Variants in PHACTR4 observed in about 807,000 individuals in gnomAD.
PHACTR4 encodes phosphatase and actin regulator 4.
PHACTR4 carries 51 observed loss-of-function variants against 72.7 expected under a neutral mutation model. The ratio of observed to expected loss-of-function variants is 0.70; its 90% CI spans 0.56 to 0.89. The LOEUF is 0.89. Ranked by LOEUF, PHACTR4 falls within the 40% of genes least tolerant of loss-of-function variation. The pLI is 0.00. For synonymous variants in PHACTR4, 255 were observed against 302.5 expected (o/e 0.84, Z 1.63); for missense variants, 731 against 861.8 (o/e 0.85, Z 1.90).
chr1:28,477,230 C>CCTCCCAA (rs1217668199), intron 8 of PHACTR4, among the ~76,000 whole-genome samples: 9 of 151,776 alleles, frequency 5.9e-5, no homozygotes, highest in African/African-American at 2.2e-4. Flanking sequence ...GGATTACAGG[C>CCTCCCAA]GTCTGCCACT....
intron 1 of PHACTR4, among the ~76,000 whole-genome samples, chr1:28,392,019 C>T (rs949371761): frequency 1.3e-5 from 2 of 152,124 alleles, no homozygotes; most frequent in Non-Finnish European, 2.9e-5. Context: ...TTGATTTAGC[C>T]ATTCCACAGT....
chr1:28,467,569 T>G (rs1659275999), intron 6 of PHACTR4, among the ~76,000 whole-genome samples: 1 of 152,154 alleles, frequency 6.6e-6, no homozygotes. Context: ...AAACTACCTA[T>G]GCCTTCCATA....
rs79525662 is a variant in PHACTR4, at chr1:28,438,187, G to C, written c.17-20898G>C. ...AGAGTGCCAGTGTGAAGACAGTTTTGTAAGAACTGCAAGTGCTCAGGCTGT... is the reference window on the plus strand; with the variant it reads ...AGAGTGCCAGTGTGAAGACAGTTTTCTAAGAACTGCAAGTGCTCAGGCTGT... On this transcript the variant is annotated intron_variant, in intron 2 of 13. Transcript: ENST00000373839. 308 of 1,306,026 alleles carry C rather than the reference G, an allele frequency of 2.4e-4. 3 individuals carry two copies. In the East Asian group the frequency reaches 9.8e-3, roughly 41 times the overall value. The allele number at this position is 1,306,026 out of a possible 1,614,324, so 80.9% of individuals were successfully genotyped here.
At chr1:28,425,050 C>T (rs2124354777) in intron 2 of PHACTR4, among the ~76,000 whole-genome samples, 1 of 152,210 alleles carries the variant, frequency 6.6e-6, no homozygotes, top group Middle Eastern at 3.4e-3. Flanking sequence ...TCCTTGGCCT[C>T]CCAAAGTGCT....
intron 9 of PHACTR4, among the ~76,000 whole-genome samples, chr1:28,488,720 T>C (rs866939508): frequency 1.3e-5 from 2 of 152,170 alleles, no homozygotes; most frequent in South Asian, 2.1e-4. Flanking sequence ...TATATAGATA[T>C]ATGTAATTTC....
intron 2 of PHACTR4, among the ~76,000 whole-genome samples, chr1:28,428,362 G>A (rs1427096088): frequency 3.3e-5 from 5 of 152,134 alleles, no homozygotes; most frequent in Non-Finnish European, 7.3e-5. Context: ...AAACTTTCCT[G>A]TTGATTATGA....
chr1:28,409,473 A>T (rs1237268714), intron 2 of PHACTR4, among the ~76,000 whole-genome samples: 1 of 152,168 alleles, frequency 6.6e-6, no homozygotes, highest in Non-Finnish European at 1.5e-5. Flanking sequence ...ACTAGTTAGG[A>T]AGTACTTTTC....
Position 28,460,298 on chromosome 1 carries a change from T to C in PHACTR4, c.271+6T>C. ...GTTGGAAGACCCTGAGCAAGGTGAG[T>C]TTACAAATAAATAGCATATGCCTGT... is the stretch of plus-strand genomic sequence containing the variant. On this transcript the variant is annotated splice_donor_region_variant and intron_variant, in intron 4 of 13. Transcript: ENST00000373839. 1.9e-6 allele frequency: 3 copies of C among 1,604,884 alleles called. No individual in the cohort carries two copies. The highest frequency in any genetic ancestry group is 1.3e-5 in the African/African-American group (1 of 74,806).
chr1:28,473,521 C>A, intron 6 of PHACTR4, 33 bp from the exon 7 acceptor site: 1 of 1,500,188 alleles, frequency 6.7e-7, no homozygotes, highest in Non-Finnish European at 9.2e-7. Flanking sequence ...ATTGGAAAGT[C>A]GTGAAATTGA....
At chr1:28,462,531 C>T (rs1658888500) in intron 4 of PHACTR4, among the ~76,000 whole-genome samples, 2 of 151,996 alleles carry the variant, frequency 1.3e-5, no homozygotes, top group Non-Finnish European at 2.9e-5. Context: ...CCACACCCAG[C>T]TAATTTTTGT....
chr1:28,389,621 G>T (rs1213268346), intron 1 of PHACTR4, among the ~76,000 whole-genome samples: 1 of 152,006 alleles, frequency 6.6e-6, no homozygotes, highest in Non-Finnish European at 1.5e-5. Flanking sequence ...GGGACGACGG[G>T]CGCGTGCCAC....
At chr1:28,387,259 C>CAA (rs11431699) in intron 1 of PHACTR4, among the ~76,000 whole-genome samples, 7,826 of 96,278 alleles carry the variant, frequency 0.081, 316 homozygotes, top group Middle Eastern at 0.15. Context: ...GACCCTGTCT[C>CAA]AAAAAAAAAA....
intron 10 of PHACTR4, 121 bp downstream of exon 10, chr1:28,489,346 C>A: frequency 5.3e-6 from 4 of 754,510 alleles, no homozygotes; most frequent in East Asian, 5.7e-5. Flanking sequence ...TCCAGCCAGG[C>A]AAGGACTATT....
At chr1:28,463,161 C>G (rs1658929595) in intron 4 of PHACTR4, among the ~76,000 whole-genome samples, 1 of 150,792 alleles carries the variant, frequency 6.6e-6, no homozygotes, top group Non-Finnish European at 1.5e-5. Context: ...AATTGCACCA[C>G]TGCACTCCAG....
At chr1:28,477,466 C>T (rs1179538300) in intron 8 of PHACTR4, among the ~76,000 whole-genome samples, 1 of 151,830 alleles carries the variant, frequency 6.6e-6, no homozygotes, top group African/African-American at 2.4e-5. Flanking sequence ...AGCCACCGTG[C>T]CTAGCCTATT....
intron 4 of PHACTR4, among the ~76,000 whole-genome samples, chr1:28,461,546 C>T (rs1296794906): frequency 6.6e-6 from 1 of 152,114 alleles, no homozygotes; most frequent in East Asian, 1.9e-4. Flanking sequence ...AATATATTGC[C>T]TATTCAAAAA....
At chr1:28,403,717 C>T (rs369031507) in intron 1 of PHACTR4, among the ~76,000 whole-genome samples, 1 of 152,036 alleles carries the variant, frequency 6.6e-6, no homozygotes, top group Non-Finnish European at 1.5e-5. Flanking sequence ...ACTCTGTTCC[C>T]CTTAGCTGTC....
chr1:28,419,901 C>T (rs765497534), intron 2 of PHACTR4, among the ~76,000 whole-genome samples: 1 of 152,126 alleles, frequency 6.6e-6, no homozygotes, highest in African/African-American at 2.4e-5. Flanking sequence ...ATACATACCA[C>T]GAATGTTGTG....
chr1:28,417,061 TC>T (rs1655151447), intron 2 of PHACTR4, among the ~76,000 whole-genome samples: 1 of 151,894 alleles, frequency 6.6e-6, no homozygotes, highest in African/African-American at 2.4e-5. Flanking sequence ...TTTTTGCTGT[TC>T]CCCCCTTCCT....
Sources: allele counts gnomAD v4.1 joint callset (sites outside exome capture counted in the v4.1 genomes callset), GRCh38; gene constraint gnomAD v4.1.1; transcripts MANE v1.5; gene names NCBI Gene and HGNC (gene_info 2026-07-23, HGNC 2026-07-21).